NFIA: variants seen among roughly 807,000 people sequenced by gnomAD.
NFIA encodes nuclear factor 1 A-type.
A neutral mutation model predicts 62.8 loss-of-function variants in NFIA; 8 were observed. The ratio of observed to expected loss-of-function variants is 0.13; its 90% CI spans 0.07 to 0.23. The LOEUF is 0.23. Among genes scored for constraint, NFIA ranks in the 10% least tolerant of loss-of-function variants. The probability of loss-of-function intolerance (pLI) is 1.00; values close to 1 mark genes in which losing one functional copy is unlikely to be tolerated. For missense variants in NFIA, 410 were observed against 642.1 expected (o/e 0.64, Z 3.91); for synonymous variants, 235 against 238.1 (o/e 0.99, Z 0.12).
chr1:61,185,357 A>G (rs1651095193), intron 2 of NFIA, among the ~76,000 whole-genome samples: 1 of 152,198 alleles, frequency 6.6e-6, no homozygotes, highest in Non-Finnish European at 1.5e-5. Flanking sequence ...AAATTTGTCA[A>G]TCAAAAGGAA....
At chr1:61,123,008 A>G (rs749352829) in intron 2 of NFIA, among the ~76,000 whole-genome samples, 1 of 152,202 alleles carries the variant, frequency 6.6e-6, no homozygotes, top group Non-Finnish European at 1.5e-5. Flanking sequence ...ATTCTTCTAG[A>G]GAGATTCCCT....
chr1:61,161,586 AACACACACACACAC>A (rs56383204), intron 2 of NFIA, among the ~76,000 whole-genome samples: 8 of 149,468 alleles, frequency 5.4e-5, no homozygotes, highest in South Asian at 2.1e-4. Context: ...CGCCATGTGC[AACACACACACACAC>A]ACACACACAC....
intron 2 of NFIA, among the ~76,000 whole-genome samples, chr1:61,269,133 G>A (rs777074818): frequency 4.6e-5 from 7 of 150,912 alleles, no homozygotes; most frequent in Non-Finnish European, 1.0e-4. Flanking sequence ...TGATTCCTTC[G>A]GTAAGATTTT....
chr1:61,432,593 GTA>G (rs66556050), intron 10 of NFIA, among the ~76,000 whole-genome samples: 91,591 of 144,728 alleles, frequency 0.63, 28,920 homozygotes, highest in East Asian at 0.82. Context: ...ATATATGTGT[GTA>G]TATATATATA....
chr1:61,165,144 C>T (rs145479073), intron 2 of NFIA, among the ~76,000 whole-genome samples: 5 of 152,136 alleles, frequency 3.3e-5, no homozygotes, highest in African/African-American at 1.2e-4. Flanking sequence ...AAGAAAATAC[C>T]ATTTAATGTT....
chr1:61,349,110 A>C (rs1001248256), intron 4 of NFIA, among the ~76,000 whole-genome samples: 1 of 152,192 alleles, frequency 6.6e-6, no homozygotes, highest in African/African-American at 2.4e-5. Context: ...TATTTCATAC[A>C]TAAAGATTAC....
At chr1:61,202,647 G>A (rs1297722568) in intron 2 of NFIA, among the ~76,000 whole-genome samples, 2 of 152,144 alleles carry the variant, frequency 1.3e-5, no homozygotes, top group Admixed American at 6.5e-5. Context: ...TCTATGCGCA[G>A]TTGTTACTGA....
intron 4 of NFIA, among the ~76,000 whole-genome samples, chr1:61,350,744 G>T (rs1017924375): frequency 3.3e-5 from 5 of 152,160 alleles, no homozygotes; most frequent in Admixed American, 2.0e-4. Context: ...CAAGCTATCA[G>T]AAATCCAGTA....
intron 7 of NFIA, among the ~76,000 whole-genome samples, chr1:61,398,994 T>TA (rs1665420183): frequency 6.6e-6 from 1 of 152,200 alleles, no homozygotes; most frequent in Admixed American, 6.5e-5. Flanking sequence ...TTAAGTGGGA[T>TA]TTTTTTCTTC....
intron 6 of NFIA, among the ~76,000 whole-genome samples, chr1:61,360,448 G>GA (rs1471264787): frequency 4.6e-5 from 7 of 152,182 alleles, no homozygotes; most frequent in African/African-American, 1.7e-4. Flanking sequence ...TTTATAATCT[G>GA]ACAGTACTAA....
intron 2 of NFIA, among the ~76,000 whole-genome samples, chr1:61,152,786 C>G (rs891734959): frequency 1.3e-5 from 2 of 152,144 alleles, no homozygotes; most frequent in African/African-American, 4.8e-5. Flanking sequence ...CTGTTTGCCT[C>G]TTGTGTTCTC....
chr1:61,093,960 A>G (rs1646368054), intron 2 of NFIA, among the ~76,000 whole-genome samples: 1 of 152,234 alleles, frequency 6.6e-6, no homozygotes, highest in South Asian at 2.1e-4. Context: ...TAAGGCCTCA[A>G]GCTGCTTCCA....
chr1:61,417,824 C>G (rs1666423034), intron 9 of NFIA, among the ~76,000 whole-genome samples: 1 of 152,066 alleles, frequency 6.6e-6, no homozygotes, highest in Non-Finnish European at 1.5e-5. Context: ...ATTTCCCATC[C>G]TATTTGCAAA....
At chr1:61,347,226 T>A (rs557455023) in intron 4 of NFIA, among the ~76,000 whole-genome samples, 40 of 130,208 alleles carry the variant, frequency 3.1e-4, no homozygotes, top group African/African-American at 1.0e-3. Flanking sequence ...CAGGCTAGAG[T>A]GCAGTGGCAC....
At chr1:61,304,060 G>A (rs1659627996) in intron 3 of NFIA, among the ~76,000 whole-genome samples, 3 of 152,230 alleles carry the variant, frequency 2.0e-5, no homozygotes, top group African/African-American at 7.2e-5. Context: ...CAGATCACTT[G>A]AGGCCGGAAG....
At chr1:61,198,570 T>G (rs1418432525) in intron 2 of NFIA, among the ~76,000 whole-genome samples, 1 of 152,044 alleles carries the variant, frequency 6.6e-6, no homozygotes, top group African/African-American at 2.4e-5. Context: ...GACCTGGGGG[T>G]TTTACTCTTT....
intron 6 of NFIA, among the ~76,000 whole-genome samples, chr1:61,365,352 T>G (rs888144375): frequency 2.0e-5 from 3 of 152,210 alleles, no homozygotes; most frequent in Non-Finnish European, 4.4e-5. Flanking sequence ...TCAGTACTTG[T>G]CTGGAAGCCA....
intron 10 of NFIA, among the ~76,000 whole-genome samples, chr1:61,438,472 G>A (rs1431035508): frequency 6.6e-6 from 1 of 152,098 alleles, no homozygotes; most frequent in Non-Finnish European, 1.5e-5. Context: ...AGGTAATCTG[G>A]TAATGTTCTC....
chr1:61,120,901 C>T (rs1320152390), intron 2 of NFIA, among the ~76,000 whole-genome samples: 3 of 152,172 alleles, frequency 2.0e-5, no homozygotes, highest in Non-Finnish European at 2.9e-5. Flanking sequence ...TTGAACACGG[C>T]CATACTTTGC....
Sources: allele counts gnomAD v4.1 joint callset (sites outside exome capture counted in the v4.1 genomes callset), GRCh38; gene constraint gnomAD v4.1.1; transcripts MANE v1.5; gene names NCBI Gene and HGNC (gene_info 2026-07-23, HGNC 2026-07-21).